Variants in THSD7B observed in about 807,000 individuals in gnomAD.
THSD7B encodes thrombospondin type 1 domain containing 7B, also known as thrombospondin type-1 domain-containing protein 7B.
THSD7B carries 138 observed loss-of-function variants against 213.6 expected under a neutral mutation model. That is an observed-to-expected ratio of 0.65 (90% CI 0.56 to 0.74). The LOEUF is 0.74. THSD7B is among the 30% of genes least tolerant of loss of function. THSD7B has a pLI of 0.00. For synonymous variants in THSD7B, 742 were observed against 687.0 expected (o/e 1.08, Z -1.25); for missense variants, 1,931 against 1,991.5 (o/e 0.97, Z 0.58).
intron 15 of THSD7B, among the ~76,000 whole-genome samples, chr2:137,481,248 G>A (rs370742538): frequency 6.6e-6 from 1 of 152,130 alleles, no homozygotes. Context: ...ACAACTCTTA[G>A]TTAAGACATA....
At chr2:137,553,463 A>G (rs1680891181) in intron 15 of THSD7B, among the ~76,000 whole-genome samples, 1 of 152,176 alleles carries the variant, frequency 6.6e-6, no homozygotes, top group African/African-American at 2.4e-5. Context: ...ATCAATTACA[A>G]TGAATGGAGG....
intron 1 of THSD7B, among the ~76,000 whole-genome samples, chr2:136,835,967 A>T (rs1682835051): frequency 6.6e-6 from 1 of 152,206 alleles, no homozygotes; most frequent in Non-Finnish European, 1.5e-5. Flanking sequence ...AAAGTTATTT[A>T]GGAAGTTTGC....
intron 12 of THSD7B, among the ~76,000 whole-genome samples, chr2:137,314,621 T>C (rs1216437262): frequency 1.3e-5 from 2 of 152,230 alleles, no homozygotes; most frequent in Admixed American, 6.5e-5. Context: ...CTCTGTTTTT[T>C]CCCCATCTTT....
At chr2:137,165,331 C>G (rs1303264029) in intron 6 of THSD7B, among the ~76,000 whole-genome samples, 1 of 152,214 alleles carries the variant, frequency 6.6e-6, no homozygotes, top group Admixed American at 6.5e-5. Flanking sequence ...CTTGTTAAAA[C>G]CTGCCAGGAC....
At chr2:136,963,003 C>A (rs1685252085) in intron 2 of THSD7B, among the ~76,000 whole-genome samples, 1 of 152,120 alleles carries the variant, frequency 6.6e-6, no homozygotes, top group African/African-American at 2.4e-5. Context: ...AATGAAATGG[C>A]AAATGGGGAT....
At chr2:137,085,452 A>C (rs1156975252) in intron 3 of THSD7B, among the ~76,000 whole-genome samples, 1 of 152,182 alleles carries the variant, frequency 6.6e-6, no homozygotes, top group African/African-American at 2.4e-5. Context: ...ATTATGTAAG[A>C]TGAAATATTG....
At chr2:136,895,491 C>T (rs1043652287) in intron 2 of THSD7B, among the ~76,000 whole-genome samples, 1 of 136,576 alleles carries the variant, frequency 7.3e-6, no homozygotes, top group Non-Finnish European at 1.5e-5. Flanking sequence ...CCAAATGAAC[C>T]AATGTTTTAT....
chr2:136,849,742 A>G (rs922332321), intron 1 of THSD7B, among the ~76,000 whole-genome samples: 1 of 152,158 alleles, frequency 6.6e-6, no homozygotes, highest in African/African-American at 2.4e-5. Flanking sequence ...TTCATTCTCT[A>G]GAGAAATAAC....
rs570943799 is a variant in THSD7B, at chr2:137,315,939, TC to T, written c.2500+39914del. On this transcript the variant is annotated intron_variant, in intron 12 of 27. Coordinates refer to ENST00000409968, the MANE Select transcript of THSD7B (RefSeq NM_001316349.2). ...TTTAACACCTAGTATGCTATTTTTT[TC>T]ATTGTACAGTTATTTTCAAAATTTT... Among the ~76,000 whole-genome samples the T allele has an allele frequency of 1.6e-3, 245 of 152,382 alleles. 1 individual carries two copies. Among genetic ancestry groups the T allele is most frequent in the African/African-American group, 5.6e-3 (231 of 41,600 alleles).
At chr2:137,463,193 G>A (rs982423378) in intron 15 of THSD7B, among the ~76,000 whole-genome samples, 6 of 152,120 alleles carry the variant, frequency 3.9e-5, no homozygotes, top group Admixed American at 2.0e-4. Flanking sequence ...TCTAGAGACA[G>A]CAAGGACCAT....
intron 2 of THSD7B, among the ~76,000 whole-genome samples, chr2:137,009,220 C>T (rs1268726214): frequency 6.6e-6 from 1 of 152,192 alleles, no homozygotes; most frequent in Non-Finnish European, 1.5e-5. Context: ...ATCTTAGACA[C>T]TGTCCACAAT....
intron 12 of THSD7B, among the ~76,000 whole-genome samples, chr2:137,375,040 A>G (rs547084788): frequency 1.9e-4 from 29 of 152,356 alleles, no homozygotes; most frequent in Non-Finnish European, 2.8e-4. Context: ...GCAAATGTGT[A>G]GCATAACATT....
chr2:136,815,310 A>G (rs1490924450), intron 1 of THSD7B, among the ~76,000 whole-genome samples: 1 of 152,224 alleles, frequency 6.6e-6, no homozygotes, highest in Non-Finnish European at 1.5e-5. Context: ...AGGCAAAAAG[A>G]TGGTCAATTT....
chr2:137,451,001 C>A lies in THSD7B; in HGVS notation c.3116C>A (p.Pro1039His). Residue 1039 changes from proline (P) to histidine (H), a missense_variant, in exon 15 of 28, where the codon CCC (proline) becomes CAC (histidine). Transcript: ENST00000409968. ...CCTTACAATGGAGGACGACCATGTC[C>A]CAAACTGGATCTCAAGAATCAGGTA... ...EKPYNGGRPC[P>H]KLDLKNQVHE... is the part of the protein sequence containing the mutation. 1 of 1,600,894 alleles carries A rather than the reference C, an allele frequency of 6.2e-7. No homozygotes were observed. The highest frequency in any genetic ancestry group is 2.2e-5 in the East Asian group (1 of 44,500).
intron 12 of THSD7B, among the ~76,000 whole-genome samples, chr2:137,398,737 G>A (rs1411644418): frequency 6.6e-6 from 1 of 152,204 alleles, no homozygotes; most frequent in African/African-American, 2.4e-5. Context: ...TCAAGCCTGG[G>A]CAATGGTGGG....
intron 2 of THSD7B, among the ~76,000 whole-genome samples, chr2:136,916,934 T>C (rs1296890819): frequency 6.6e-6 from 1 of 152,150 alleles, no homozygotes; most frequent in Admixed American, 6.6e-5. Context: ...ATCCTATTTC[T>C]AAAATACACA....
intron 1 of THSD7B, among the ~76,000 whole-genome samples, chr2:136,838,743 G>GGGTCTGGC (rs1195726178): frequency 6.6e-6 from 1 of 152,144 alleles, no homozygotes; most frequent in Non-Finnish European, 1.5e-5. Context: ...CTGACCCTGA[G>GGGTCTGGC]GGTCTGGCAC....
chr2:136,911,572 A>T (rs1042990651), intron 2 of THSD7B, among the ~76,000 whole-genome samples: 1 of 152,240 alleles, frequency 6.6e-6, no homozygotes, highest in African/African-American at 2.4e-5. Context: ...AGCTTTCTTC[A>T]TACTAAAAAA....
Position 137,411,628 on chromosome 2 carries a change from G to A in THSD7B, c.2715G>A (p.Glu905=), listed in dbSNP as rs779978868. The change falls in exon 14 of 28, where the codon GAG becomes GAA. Residue 905 remains glutamate, a synonymous_variant. Transcript: ENST00000409968. ...GAACAGGGAAAAGCAGAAAGAAGGA[G>A]AAATGCCAGGATTCTGACCTTTACC... ...RQLTGKSRKK[E]KCQDSDLYPL... 1.9e-6 allele frequency: 3 copies of A among 1,611,654 alleles called. No homozygotes were observed. The highest frequency in any genetic ancestry group is 2.5e-6 in the Non-Finnish European group (3 of 1,178,214).
Sources: gnomAD v4.1 joint callset for allele counts (sites outside exome capture counted in the v4.1 genomes callset) on GRCh38, gnomAD v4.1.1 for gene constraint, MANE v1.5 for transcripts, NCBI Gene and HGNC (gene_info 2026-07-23, HGNC 2026-07-21) for gene names.